ZMAT4: variants seen among roughly 807,000 people sequenced by gnomAD.
The protein encoded by ZMAT4 is zinc finger matrin-type protein 4.
In ZMAT4, 17 loss-of-function variants were observed where a neutral mutation model predicts 28.7. The observed-to-expected ratio is 0.59, with a 90% CI of 0.41 to 0.89. The LOEUF is 0.89. ZMAT4 is among the 40% of genes least tolerant of loss of function. The probability of loss-of-function intolerance (pLI) is 0.00; values close to 1 mark genes in which losing one functional copy is unlikely to be tolerated. For synonymous variants in ZMAT4, 117 were observed against 109.2 expected (o/e 1.07, Z -0.44); for missense variants, 240 against 283.8 (o/e 0.85, Z 1.11).
intron 1 of ZMAT4, among the ~76,000 whole-genome samples, chr8:40,883,350 C>A (rs931213472): frequency 2.6e-5 from 4 of 152,170 alleles, no homozygotes; most frequent in African/African-American, 4.8e-5. Context: ...GAAATAGAAC[C>A]ATTAGGTGTT....
chr8:40,714,276 T>C (rs1487458517), intron 3 of ZMAT4, among the ~76,000 whole-genome samples: 1 of 152,156 alleles, frequency 6.6e-6, no homozygotes, highest in Non-Finnish European at 1.5e-5. Flanking sequence ...AGCAAATACA[T>C]ACAAGGTTGA....
chr8:40,717,819 A>G (rs933803590), intron 3 of ZMAT4, among the ~76,000 whole-genome samples: 7 of 152,116 alleles, frequency 4.6e-5, no homozygotes, highest in African/African-American at 7.2e-5. Flanking sequence ...GTGACTCTGG[A>G]TGGTGTTTCT....
chr8:40,869,851 C>T (rs1421445429), intron 1 of ZMAT4, among the ~76,000 whole-genome samples: 1 of 152,184 alleles, frequency 6.6e-6, no homozygotes, highest in Non-Finnish European at 1.5e-5. Flanking sequence ...CGCCTTCTCT[C>T]CTCCTGGCTG....
At chr8:40,813,314 AAGAAG>A (rs1439396204) in intron 2 of ZMAT4, among the ~76,000 whole-genome samples, 1 of 152,236 alleles carries the variant, frequency 6.6e-6, no homozygotes, top group Non-Finnish European at 1.5e-5. Flanking sequence ...GGTAAAAACA[AAGAAG>A]ATCCCCAACC....
intron 3 of ZMAT4, among the ~76,000 whole-genome samples, chr8:40,699,594 A>G (rs1012900174): frequency 6.6e-5 from 5 of 75,848 alleles, no homozygotes; most frequent in Non-Finnish European, 1.3e-4. Flanking sequence ...GAAAATGTAA[A>G]TGCACACACA....
intron 3 of ZMAT4, among the ~76,000 whole-genome samples, chr8:40,753,801 A>T (rs912569182): frequency 6.6e-6 from 1 of 152,176 alleles, no homozygotes; most frequent in Non-Finnish European, 1.5e-5. Context: ...CTCCTTCCAC[A>T]TGTTTTTCAC....
chr8:40,634,542 A>G (rs1806720689), intron 5 of ZMAT4, among the ~76,000 whole-genome samples: 1 of 152,242 alleles, frequency 6.6e-6, no homozygotes, highest in Non-Finnish European at 1.5e-5. Flanking sequence ...CCAGAAATTT[A>G]AATGTAAGCC....
At chr8:40,685,038 G>A (rs1325459769) in intron 4 of ZMAT4, among the ~76,000 whole-genome samples, 2 of 152,134 alleles carry the variant, frequency 1.3e-5, no homozygotes, top group African/African-American at 4.8e-5. Flanking sequence ...GTATTTAAAT[G>A]ATGAATATTA....
rs573744146 is a variant in ZMAT4, at chr8:40,869,800, A to C, written c.-5+27883T>G. 1.1e-4 allele frequency among the ~76,000 whole-genome samples: 17 copies of C among 152,302 alleles called. No homozygotes were observed. In the East Asian group the frequency reaches 2.9e-3, roughly 26 times the overall value. On this transcript the variant is annotated intron_variant, in intron 1 of 6. Coordinates refer to ENST00000297737, the MANE Select transcript of ZMAT4 (RefSeq NM_024645.3). ...AGAACGATGCATGACCACTCAGTGAAGAGTTCCACACACCTGAGCACCATT... is the reference window on the plus strand; with the variant it reads ...AGAACGATGCATGACCACTCAGTGACGAGTTCCACACACCTGAGCACCATT...
chr8:40,821,581 G>T (rs1479307405), intron 2 of ZMAT4, among the ~76,000 whole-genome samples: 4 of 152,094 alleles, frequency 2.6e-5, no homozygotes, highest in African/African-American at 7.2e-5. Flanking sequence ...TCGTGCAAAG[G>T]TTCAGCCTTT....
At chr8:40,703,761 C>G (rs1419611047) in intron 3 of ZMAT4, among the ~76,000 whole-genome samples, 1 of 152,146 alleles carries the variant, frequency 6.6e-6, no homozygotes. Flanking sequence ...TCTCAATATT[C>G]TGTTCTAGAG....
chr8:40,775,685 G>GC (rs1348248118), intron 2 of ZMAT4, among the ~76,000 whole-genome samples: 1 of 152,212 alleles, frequency 6.6e-6, no homozygotes, highest in Non-Finnish European at 1.5e-5. Flanking sequence ...GATCAGATAT[G>GC]CAGGCTTCTG....
chr8:40,689,353 C>T (rs1216080554), intron 4 of ZMAT4, among the ~76,000 whole-genome samples: 1 of 152,188 alleles, frequency 6.6e-6, no homozygotes, highest in East Asian at 1.9e-4. Flanking sequence ...TGGGGCCGGT[C>T]TTCTCACTAA....
At chr8:40,818,823 C>T (rs1231195973) in intron 2 of ZMAT4, among the ~76,000 whole-genome samples, 5 of 152,084 alleles carry the variant, frequency 3.3e-5, no homozygotes, top group South Asian at 4.1e-4. Context: ...TCATTTAGCC[C>T]GCATGCTTAC....
At chr8:40,669,376 A>G (rs1459678552) in intron 5 of ZMAT4, among the ~76,000 whole-genome samples, 1 of 152,124 alleles carries the variant, frequency 6.6e-6, no homozygotes, top group East Asian at 1.9e-4. Flanking sequence ...AAACATTTTT[A>G]GAGAAATAAA....
intron 2 of ZMAT4, among the ~76,000 whole-genome samples, chr8:40,821,508 A>G (rs925037582): frequency 2.6e-5 from 4 of 152,176 alleles, no homozygotes; most frequent in Non-Finnish European, 5.9e-5. Context: ...GCAAAAATAG[A>G]TTTTTAAAGC....
intron 1 of ZMAT4, among the ~76,000 whole-genome samples, chr8:40,829,695 G>A (rs147425626): frequency 6.2e-4 from 94 of 152,272 alleles, no homozygotes; most frequent in African/African-American, 2.2e-3. Flanking sequence ...AATTCCAACA[G>A]AACTTGGGGG....
At chr8:40,811,596 A>G (rs1815319514) in intron 2 of ZMAT4, among the ~76,000 whole-genome samples, 1 of 152,220 alleles carries the variant, frequency 6.6e-6, no homozygotes, top group African/African-American at 2.4e-5. Context: ...GAATCTGTTA[A>G]GATGTTTGTC....
At chr8:40,639,270 A>T (rs1372233700) in intron 5 of ZMAT4, among the ~76,000 whole-genome samples, 1 of 152,060 alleles carries the variant, frequency 6.6e-6, no homozygotes, top group Non-Finnish European at 1.5e-5. Flanking sequence ...AAAATTGGGG[A>T]TATAAAGACT....
Sources: allele counts gnomAD v4.1 joint callset (sites outside exome capture counted in the v4.1 genomes callset), GRCh38; gene constraint gnomAD v4.1.1; transcripts MANE v1.5; gene names NCBI Gene and HGNC (gene_info 2026-07-23, HGNC 2026-07-21).